SEMA3A: variants seen among roughly 807,000 people sequenced by gnomAD.
The protein encoded by SEMA3A is semaphorin 3A, also known as semaphorin-3A.
Under a neutral mutation model 97.9 loss-of-function variants are expected in SEMA3A, and 29 were observed. The observed-to-expected ratio is 0.30, with a 90% confidence interval of 0.22 to 0.40. The LOEUF is 0.40. Among genes scored for constraint, SEMA3A ranks in the 10% least tolerant of loss-of-function variants. SEMA3A has a pLI of 1.00. For synonymous variants in SEMA3A, 321 were observed against 323.7 expected, an observed-to-expected ratio of 0.99 and a Z score of 0.09; for missense variants, 763 against 951.3, an observed-to-expected ratio of 0.80 and a Z score of 2.60.
intron 1 of SEMA3A, among the ~76,000 whole-genome samples, chr7:84,404,437 C>A (rs900289191): frequency 6.6e-6 from 1 of 152,216 alleles, no homozygotes; most frequent in African/African-American, 2.4e-5. Context: ...CTGAAAGTGA[C>A]GGGGAGAATG....
At chr7:84,376,268 G>T (rs1265705324) in intron 1 of SEMA3A, among the ~76,000 whole-genome samples, 2 of 152,228 alleles carry the variant, frequency 1.3e-5, no homozygotes, top group East Asian at 1.9e-4. Context: ...CTTTCACACT[G>T]TTTTTTATGG....
At chr7:84,223,175 A>G (rs999555634) in intron 3 of SEMA3A, among the ~76,000 whole-genome samples, 1 of 151,846 alleles carries the variant, frequency 6.6e-6, no homozygotes, top group Non-Finnish European at 1.5e-5. Flanking sequence ...AACAATAAGA[A>G]AAGTGCCAGA....
chr7:83,986,815 T>C (rs1789650383), intron 12 of SEMA3A, among the ~76,000 whole-genome samples: 1 of 151,782 alleles, frequency 6.6e-6, no homozygotes, highest in Non-Finnish European at 1.5e-5. Context: ...AAACTTTTTG[T>C]AATTCAGTTT....
chr7:84,256,387 T>C (rs1468583829), intron 3 of SEMA3A, among the ~76,000 whole-genome samples: 5 of 152,080 alleles, frequency 3.3e-5, no homozygotes, highest in Non-Finnish European at 5.9e-5. Context: ...GCATTACAAC[T>C]GCTCTGAGAC....
At chr7:84,233,720 C>T (rs1799167936) in intron 3 of SEMA3A, among the ~76,000 whole-genome samples, 1 of 151,894 alleles carries the variant, frequency 6.6e-6, no homozygotes, top group African/African-American at 2.4e-5. Context: ...TAGATTCTTC[C>T]TACTGTTTTC....
chr7:84,232,450 C>G (rs781419956), intron 3 of SEMA3A, among the ~76,000 whole-genome samples: 2 of 151,202 alleles, frequency 1.3e-5, no homozygotes, highest in Non-Finnish European at 3.0e-5. Context: ...CTCCCTCTCT[C>G]TCTGTCACAC....
At chr7:84,335,109 A>G (rs979067059) in intron 2 of SEMA3A, among the ~76,000 whole-genome samples, 1 of 152,132 alleles carries the variant, frequency 6.6e-6, no homozygotes, top group African/African-American at 2.4e-5. Flanking sequence ...CTTTGAATCT[A>G]TTCTGTAAGA....
intron 2 of SEMA3A, among the ~76,000 whole-genome samples, chr7:84,320,232 T>G (rs1232923381): frequency 6.6e-6 from 1 of 152,158 alleles, no homozygotes; most frequent in Non-Finnish European, 1.5e-5. Flanking sequence ...TATAATCTCC[T>G]TCCTTCCATA....
intron 2 of SEMA3A, among the ~76,000 whole-genome samples, chr7:84,356,436 T>C (rs1257526554): frequency 6.6e-6 from 1 of 151,546 alleles, no homozygotes; most frequent in Non-Finnish European, 1.5e-5. Flanking sequence ...TAACATATTG[T>C]ATATTATAAG....
At chr7:84,417,156 A>G (rs886853438) in intron 1 of SEMA3A, among the ~76,000 whole-genome samples, 1 of 152,134 alleles carries the variant, frequency 6.6e-6, no homozygotes, top group Non-Finnish European at 1.5e-5. Context: ...AACAAAGGGT[A>G]CATTACTATA....
At chr7:84,435,677 C>A (rs1343339687) in intron 1 of SEMA3A, among the ~76,000 whole-genome samples, 1 of 152,078 alleles carries the variant, frequency 6.6e-6, no homozygotes, top group African/African-American at 2.4e-5. Context: ...CAATAGATGA[C>A]ACAAACAAAT....
chr7:83,991,817 G>C (rs1254814139), intron 12 of SEMA3A, among the ~76,000 whole-genome samples: 59 of 138,242 alleles, frequency 4.3e-4, no homozygotes, highest in African/African-American at 1.6e-3. Flanking sequence ...TTTGGTATCA[G>C]AATGATGCTG....
intron 3 of SEMA3A, among the ~76,000 whole-genome samples, chr7:84,214,218 C>T (rs1275623491): frequency 6.6e-6 from 1 of 152,180 alleles, no homozygotes; most frequent in African/African-American, 2.4e-5. Context: ...TACCAATGAC[C>T]AAACTAAGCC....
At chr7:84,195,594 A>G (rs920416984), upstream of SEMA3A, 2 of 152,032 alleles carry the variant, frequency 1.3e-5, no homozygotes, top group Non-Finnish European at 2.9e-5. Context: ...ATTCCTACTA[A>G]AGCCCATTCC....
intron 2 of SEMA3A, among the ~76,000 whole-genome samples, chr7:84,349,939 A>G (rs1338775790): frequency 1.3e-5 from 2 of 152,054 alleles, no homozygotes; most frequent in Middle Eastern, 3.2e-3. Flanking sequence ...AGATTTATAA[A>G]TCTATCTGCC....
In SEMA3A at chr7:84,204,709, T is replaced by C. The variant is rs146346201; in HGVS notation, c.-82-10041A>G. Among the ~76,000 whole-genome samples, 634 of 152,288 alleles carry C rather than the reference T, an allele frequency of 4.2e-3. 9 individuals are homozygous for C. The highest frequency in any genetic ancestry group is 0.014 in the African/African-American group (572 of 41,562). On this transcript the variant is annotated intron_variant, in intron 3 of 3. Transcript: ENST00000424555. ...ATTTTAAATGTGCTAAATTTATATATCAAACGCAGTAGGTTTGACCATGAA... is the reference window on the plus strand; with the variant it reads ...ATTTTAAATGTGCTAAATTTATATACCAAACGCAGTAGGTTTGACCATGAA...
chr7:84,043,564 A>G (rs1792226460), intron 6 of SEMA3A, among the ~76,000 whole-genome samples: 1 of 152,118 alleles, frequency 6.6e-6, no homozygotes, highest in African/African-American at 2.4e-5. Flanking sequence ...AACACGTATG[A>G]TTGTATAGTC....
rs1801012420 is a variant in SEMA3A, at chr7:84,301,334, A to T, written c.-83+5873T>A. On this transcript the variant is annotated intron_variant, in intron 3 of 3. Coordinates refer to the SEMA3A transcript ENST00000424555. ...AAATATTCACAAAACACACACACAC[A>T]TGCATATATCAAAGAATTTGTCTTC... 2.0e-5 allele frequency among the ~76,000 whole-genome samples: 3 copies of T among 152,138 alleles called. 1 individual carries two copies. In the South Asian group the frequency reaches 6.2e-4, roughly 31 times the overall value.
At chr7:84,415,604 T>C (rs1360463974) in intron 1 of SEMA3A, among the ~76,000 whole-genome samples, 1 of 152,076 alleles carries the variant, frequency 6.6e-6, no homozygotes, top group East Asian at 1.9e-4. Flanking sequence ...CTGATGAATC[T>C]AGATAATGGG....
Sources: gnomAD v4.1 joint callset for allele counts (sites outside exome capture counted in the v4.1 genomes callset) on GRCh38, gnomAD v4.1.1 for gene constraint, MANE v1.5 for transcripts, NCBI Gene and HGNC (gene_info 2026-07-23, HGNC 2026-07-21) for gene names.